The following LEPR variants were observed in gnomAD, a reference collection of about 807,000 sequenced individuals.
LEPR encodes the protein leptin receptor, also known as OB receptor.
Under a neutral mutation model 114.7 loss-of-function variants are expected in LEPR, and 56 were observed. The ratio of observed to expected loss-of-function variants is 0.49; its 90% CI spans 0.39 to 0.61. LEPR has a LOEUF of 0.61. Among genes scored for constraint, LEPR ranks in the 20% least tolerant of loss-of-function variants. The pLI, the probability that LEPR is intolerant of heterozygous loss-of-function variation, is 0.00. For synonymous variants in LEPR, 443 were observed against 461.4 expected, an observed-to-expected ratio of 0.96 and a Z score of 0.51; for missense variants, 1,202 against 1,352.9, an observed-to-expected ratio of 0.89 and a Z score of 1.75.
At chr1:65,634,107 C>T in intron 19 of LEPR, 1 of 985,286 alleles carries the variant, frequency 1.0e-6, no homozygotes, top group Non-Finnish European at 1.2e-6. Context: ...TTCAGACAGA[C>T]TGCTTGCTAG....
At chr1:65,458,157 AG>A (rs1259278710) in intron 2 of LEPR, among the ~76,000 whole-genome samples, 6 of 152,206 alleles carry the variant, frequency 3.9e-5, no homozygotes, top group Admixed American at 6.5e-5. Flanking sequence ...ATTCATACTG[AG>A]GGACAAATTA....
At chr1:65,618,578 G>C (rs540903779) in intron 16 of LEPR, among the ~76,000 whole-genome samples, 13 of 152,012 alleles carry the variant, frequency 8.6e-5, no homozygotes, top group African/African-American at 2.9e-4. Flanking sequence ...TGATCCTCCT[G>C]CCTTGGCCTC....
intron 8 of LEPR, among the ~76,000 whole-genome samples, chr1:65,600,092 A>T (rs1338004186): frequency 6.6e-6 from 1 of 152,254 alleles, no homozygotes; most frequent in Middle Eastern, 3.4e-3. Context: ...GAAAAACTTC[A>T]GCTTAATCCA....
At chr1:65,622,586 G>T (rs1229088772) in intron 18 of LEPR, among the ~76,000 whole-genome samples, 1 of 152,118 alleles carries the variant, frequency 6.6e-6, no homozygotes, top group Non-Finnish European at 1.5e-5. Context: ...ACATCAAATG[G>T]AATTTTTTCT....
intron 2 of LEPR, among the ~76,000 whole-genome samples, chr1:65,443,248 C>T (rs886945938): frequency 3.9e-5 from 6 of 151,978 alleles, no homozygotes; most frequent in Non-Finnish European, 5.9e-5. Context: ...TTCCTAAACA[C>T]CAGTACTAAC....
At chr1:65,594,702 A>T (rs550907054) in intron 6 of LEPR, among the ~76,000 whole-genome samples, 1 of 152,128 alleles carries the variant, frequency 6.6e-6, no homozygotes, top group African/African-American at 2.4e-5. Flanking sequence ...AGATATATAT[A>T]TTTGGGAGTT....
chr1:65,537,380 T>C (rs1322035898), intron 2 of LEPR, among the ~76,000 whole-genome samples: 1 of 152,212 alleles, frequency 6.6e-6, no homozygotes, highest in Non-Finnish European at 1.5e-5. Flanking sequence ...AACCTGACCC[T>C]AGGAACAACT....
At chr1:65,428,477 C>T (rs12077210) in intron 2 of LEPR, among the ~76,000 whole-genome samples, 17,360 of 152,186 alleles carry the variant, frequency 0.11, 1,793 homozygotes, top group African/African-American at 0.27. Flanking sequence ...TTTGGTGATT[C>T]TTGAAACATA....
intron 2 of LEPR, among the ~76,000 whole-genome samples, chr1:65,521,310 A>T (rs781562509): frequency 9.2e-5 from 14 of 152,242 alleles, no homozygotes; most frequent in Non-Finnish European, 1.8e-4. Flanking sequence ...AAAAAGGGTT[A>T]AGGCCTTTTG....
At chr1:65,486,323 G>A (rs1327860850) in intron 2 of LEPR, 2 of 152,112 alleles carry the variant, frequency 1.3e-5, no homozygotes, top group African/African-American at 4.8e-5. Context: ...GCGCTGTGTA[G>A]GAAATATAGT....
chr1:65,508,227 T>C (rs1372818870), intron 2 of LEPR, among the ~76,000 whole-genome samples: 1 of 152,202 alleles, frequency 6.6e-6, no homozygotes, highest in African/African-American at 2.4e-5. Flanking sequence ...TTTTATTGCC[T>C]GTGGTTTTGG....
At chr1:65,570,234 G>T (rs1204885483) in intron 3 of LEPR, among the ~76,000 whole-genome samples, 1 of 152,162 alleles carries the variant, frequency 6.6e-6, no homozygotes, top group Non-Finnish European at 1.5e-5. Flanking sequence ...AACATGAAGT[G>T]TGAGTCTTCA....
At chr1:65,465,776 G>T (rs978175058) in intron 2 of LEPR, among the ~76,000 whole-genome samples, 10 of 152,162 alleles carry the variant, frequency 6.6e-5, no homozygotes, top group Admixed American at 5.2e-4. Flanking sequence ...TTACCATTAC[G>T]TAGTGGCCTT....
At chr1:65,470,221 C>T (rs1240228404) in intron 2 of LEPR, among the ~76,000 whole-genome samples, 1 of 152,142 alleles carries the variant, frequency 6.6e-6, no homozygotes, top group African/African-American at 2.4e-5. Context: ...TTTAATAGCC[C>T]AAGAGGGGCT....
chr1:65,423,133 G>T (rs1318523098), intron 1 of LEPR, among the ~76,000 whole-genome samples: 1 of 152,106 alleles, frequency 6.6e-6, no homozygotes, highest in Non-Finnish European at 1.5e-5. Context: ...TGTTGAATTT[G>T]AGGTTCTTGT....
At chr1:65,466,641 T>G (rs1350799582) in intron 2 of LEPR, among the ~76,000 whole-genome samples, 1 of 152,222 alleles carries the variant, frequency 6.6e-6, no homozygotes, top group Non-Finnish European at 1.5e-5. Context: ...GGTTCCATTC[T>G]CCCCGTCACT....
intron 19 of LEPR, among the ~76,000 whole-genome samples, chr1:65,627,080 G>T (rs1349846104): frequency 6.6e-6 from 1 of 152,108 alleles, no homozygotes; most frequent in East Asian, 1.9e-4. Flanking sequence ...TATATTTTCT[G>T]ATGATAAAAC....
At chr1:65,498,436 A>G (rs990107916) in intron 2 of LEPR, among the ~76,000 whole-genome samples, 3 of 152,008 alleles carry the variant, frequency 2.0e-5, no homozygotes, top group Non-Finnish European at 2.9e-5. Context: ...TTCTGTAAAT[A>G]CTATTACAAA....
Position 65,496,987 on chromosome 1 carries a change from C to CATATATAT in LEPR, c.-20-68551_-20-68544dup, listed in dbSNP as rs137868844. The stretch of plus-strand genomic sequence containing the variant: ...AAAGTATTGCTCTAGTGTTCATATA[C>CATATATAT]ATATATATATATATACACACACACA... On this transcript the variant is annotated intron_variant, in intron 2 of 19. Coordinates refer to ENST00000349533, the MANE Select transcript of LEPR (RefSeq NM_002303.6). Among the ~76,000 whole-genome samples the CATATATAT allele has an allele frequency of 5.6e-3, 844 of 150,406 alleles. 8 individuals carry two copies. Among genetic ancestry groups the CATATATAT allele is most frequent in the African/African-American group, 0.02 (820 of 40,750 alleles).
Sources: gnomAD v4.1 joint callset for allele counts (sites outside exome capture counted in the v4.1 genomes callset) on GRCh38, gnomAD v4.1.1 for gene constraint, MANE v1.5 for transcripts, NCBI Gene and HGNC (gene_info 2026-07-23, HGNC 2026-07-21) for gene names.